The following PKIA variants were observed in gnomAD, a reference collection of about 807,000 sequenced individuals.
The protein encoded by PKIA is PKI-alpha.
A neutral mutation model predicts 7.6 loss-of-function variants in PKIA; 4 were observed. That is an observed-to-expected ratio of 0.52 (90% CI 0.26 to 1.20). PKIA has a LOEUF of 1.20. Ranked by LOEUF, PKIA falls within the 50% of genes most tolerant of loss-of-function variation. The probability of loss-of-function intolerance (pLI) is 0.13; values close to 1 mark genes in which losing one functional copy is unlikely to be tolerated. For missense variants in PKIA, 73 were observed against 86.2 expected (o/e 0.85, Z 0.61); for synonymous variants, 21 against 30.7 (o/e 0.68, Z 1.04).
rs1483987455 is a variant in PKIA, at chr8:78,516,401, G to C, written c.-224G>C. On this transcript the variant is annotated 5_prime_UTR_variant, in exon 1 of 4. Transcript: ENST00000396418. ...CCGGCGCGAGCTGACCGAGCACTCG[G>C]CGGGCGCGGCGGGACTGCGGCCCGT... The C allele has an allele frequency of 2.0e-5, 3 of 152,508 alleles. No homozygotes were observed. The East Asian group carries it at 5.8e-4, about 29-fold the overall frequency. 9.4% of individuals were successfully genotyped at this position (152,508 alleles called of 1,614,324 possible). A position where few individuals can be genotyped will look rare whatever the true frequency, so the allele number is the denominator to read the frequency against.
At chr8:78,536,009 C>A (rs1008816190) in intron 1 of PKIA, 4 of 152,004 alleles carry the variant, frequency 2.6e-5, no homozygotes, top group African/African-American at 9.7e-5. Context: ...TACCTTTCTG[C>A]TCAAGCTCAG....
intron 1 of PKIA, among the ~76,000 whole-genome samples, chr8:78,572,545 A>G (rs1807576932): frequency 6.7e-6 from 1 of 149,214 alleles, no homozygotes; most frequent in South Asian, 2.1e-4. Context: ...CTGCACGCAC[A>G]CACACACACA....
intron 1 of PKIA, among the ~76,000 whole-genome samples, chr8:78,556,801 G>A (rs1807150707): frequency 6.6e-6 from 1 of 151,978 alleles, no homozygotes; most frequent in African/African-American, 2.4e-5. Flanking sequence ...TCTTATATTG[G>A]TAACATTTAA....
At chr8:78,522,341 A>T (rs1809431436) in intron 1 of PKIA, among the ~76,000 whole-genome samples, 1 of 151,882 alleles carries the variant, frequency 6.6e-6, no homozygotes, top group African/African-American at 2.4e-5. Flanking sequence ...ATATGTCTTT[A>T]TATGTCAGTA....
chr8:78,524,810 T>G (rs1809511024), intron 1 of PKIA, among the ~76,000 whole-genome samples: 1 of 151,952 alleles, frequency 6.6e-6, no homozygotes. Context: ...TGTTATTTCA[T>G]AAGTAAAATA....
chr8:78,584,898 T>C (rs908563007), intron 2 of PKIA, among the ~76,000 whole-genome samples: 2 of 152,090 alleles, frequency 1.3e-5, no homozygotes, highest in African/African-American at 4.8e-5. Flanking sequence ...TTGTTAAGAT[T>C]AATGTTTACC....
chr8:78,595,963 TG>T (rs1273540590), intron 2 of PKIA, among the ~76,000 whole-genome samples: 1 of 152,224 alleles, frequency 6.6e-6, no homozygotes, highest in Non-Finnish European at 1.5e-5. Flanking sequence ...CCACAGCGGC[TG>T]AACTAGTTTA....
At position 78,575,468 on chromosome 8, in the gene PKIA, ATTG is replaced by A. The variant is rs1393686329; in HGVS notation, c.-28+2532_-28+2534del. Among the ~76,000 whole-genome samples, 7 of 151,864 alleles carry A rather than the reference ATTG, an allele frequency of 4.6e-5. 1 individual carries two copies. The highest frequency in any genetic ancestry group is 3.9e-4 in the Admixed American group (6 of 15,214). On this transcript the variant is annotated intron_variant, in intron 2 of 3. Transcript: ENST00000396418. ...ATTTTGTTTCAGCTAGTGTTTATTC[ATTG>A]TTATCACTGTATAATACAATGTTGT...
chr8:78,572,402 G>T (rs1320648337), intron 1 of PKIA, among the ~76,000 whole-genome samples: 4 of 151,872 alleles, frequency 2.6e-5, no homozygotes, highest in Non-Finnish European at 2.9e-5. Context: ...GAAGATAGAA[G>T]AGAAATCTAG....
At chr8:78,551,559 T>C (rs1806983548) in intron 1 of PKIA, among the ~76,000 whole-genome samples, 1 of 152,018 alleles carries the variant, frequency 6.6e-6, no homozygotes, top group African/African-American at 2.4e-5. Context: ...ACTTTACATA[T>C]TAGATGACAC....
chr8:78,527,449 G>T (rs988844360), intron 1 of PKIA, among the ~76,000 whole-genome samples: 1 of 151,816 alleles, frequency 6.6e-6, no homozygotes, highest in African/African-American at 2.4e-5. Flanking sequence ...CTTGAAAGTT[G>T]GATTTCATTT....
At chr8:78,580,615 T>A (rs1177804715) in intron 2 of PKIA, among the ~76,000 whole-genome samples, 3 of 151,980 alleles carry the variant, frequency 2.0e-5, no homozygotes, top group African/African-American at 7.3e-5. Flanking sequence ...CATGGGGAAG[T>A]GGCCACAGCA....
chr8:78,520,496 A>G (rs1298775924), intron 1 of PKIA, among the ~76,000 whole-genome samples: 2 of 152,140 alleles, frequency 1.3e-5, no homozygotes, highest in Non-Finnish European at 2.9e-5. Flanking sequence ...TGTTTATACT[A>G]TATGTGAATT....
intron 1 of PKIA, among the ~76,000 whole-genome samples, chr8:78,551,164 T>G (rs532947604): frequency 4.3e-4 from 66 of 151,922 alleles, no homozygotes; most frequent in African/African-American, 1.4e-3. Flanking sequence ...GGAATAAGAG[T>G]GTGGATATTA....
chr8:78,523,909 C>A (rs867398799), intron 1 of PKIA, among the ~76,000 whole-genome samples: 12 of 130,448 alleles, frequency 9.2e-5, no homozygotes, highest in African/African-American at 2.7e-4. Flanking sequence ...TATATTTATA[C>A]ATATATATTT....
Position 78,563,367 on chromosome 8 carries a change from GTAT to G in PKIA, c.-156-9434_-156-9432del, listed in dbSNP as rs541048448. Among the ~76,000 whole-genome samples the G allele has an allele frequency of 1.6e-3, 243 of 152,186 alleles. 1 individual carries two copies. Among genetic ancestry groups the G allele is most frequent in the African/African-American group, 5.1e-3 (211 of 41,526 alleles). On this transcript the variant is annotated intron_variant, in intron 1 of 3. Transcript: ENST00000396418. ...ATAGAAGTCTTGACTACTGTTACTAGTATTATTATTATGAGAATTAAATGTGGA... is the reference window on the plus strand; with the variant it reads ...ATAGAAGTCTTGACTACTGTTACTAGTATTATTATGAGAATTAAATGTGGA...
intron 2 of PKIA, among the ~76,000 whole-genome samples, chr8:78,582,063 C>T (rs1807824414): frequency 6.6e-6 from 1 of 151,850 alleles, no homozygotes; most frequent in Admixed American, 6.6e-5. Flanking sequence ...TCAGATAATC[C>T]TTCTTCAGGC....
intron 1 of PKIA, among the ~76,000 whole-genome samples, chr8:78,547,340 T>C (rs1806852353): frequency 6.6e-6 from 1 of 152,078 alleles, no homozygotes. Context: ...CTTGACCTCG[T>C]GATCCACCCA....
At chr8:78,600,902 C>A (rs547245489) in intron 3 of PKIA, among the ~76,000 whole-genome samples, 1 of 152,066 alleles carries the variant, frequency 6.6e-6, no homozygotes, top group African/African-American at 2.4e-5. Flanking sequence ...GATAACAAAC[C>A]CTCAGCAAAT....
Sources: allele counts gnomAD v4.1 joint callset (sites outside exome capture counted in the v4.1 genomes callset), GRCh38; gene constraint gnomAD v4.1.1; transcripts MANE v1.5; gene names NCBI Gene and HGNC (gene_info 2026-07-23, HGNC 2026-07-21).